ZDHHC14: variants seen among roughly 807,000 people sequenced by gnomAD.
ZDHHC14 encodes zDHHC palmitoyltransferase 14.
A neutral mutation model predicts 47.7 loss-of-function variants in ZDHHC14; 16 were observed. The ratio of observed to expected loss-of-function variants is 0.34; its 90% CI spans 0.23 to 0.51. The LOEUF is 0.51. Ranked by LOEUF, ZDHHC14 falls within the 20% of genes least tolerant of loss-of-function variation. ZDHHC14 has a pLI of 0.97. For synonymous variants in ZDHHC14, 293 were observed against 278.9 expected, an observed-to-expected ratio of 1.05 and a Z score of -0.50; for missense variants, 515 against 662.5, an observed-to-expected ratio of 0.78 and a Z score of 2.44.
Position 157,645,868 on chromosome 6 carries a change from C to T in ZDHHC14, c.855+29C>T, listed in dbSNP as rs771556281. The T allele has an allele frequency of 7.5e-6, 12 of 1,597,588 alleles. No individual in the cohort carries two copies. In the Admixed American group the frequency reaches 8.4e-5, roughly 11 times the overall value. On this transcript the variant is annotated intron_variant, in intron 6 of 8. Coordinates refer to ENST00000359775, the MANE Select transcript of ZDHHC14 (RefSeq NM_024630.3). The stretch of plus-strand genomic sequence containing the variant: ...AGTTCCTGACCACACGGGACACGGG[C>T]GTGTTCTTGGGTTTTGGGCAATGGA...
chr6:157,534,041 T>A (rs1255273966), intron 1 of ZDHHC14, among the ~76,000 whole-genome samples: 1 of 152,202 alleles, frequency 6.6e-6, no homozygotes, highest in Non-Finnish European at 1.5e-5. Context: ...TTAGATTGGA[T>A]GAAACAAGAA....
chr6:157,556,536 A>G (rs1782471194), intron 2 of ZDHHC14, among the ~76,000 whole-genome samples: 2 of 152,240 alleles, frequency 1.3e-5, no homozygotes, highest in African/African-American at 4.8e-5. Flanking sequence ...AGGCAGTGCC[A>G]GGGGATGGAG....
chr6:157,660,020 A>G (rs982918266), intron 8 of ZDHHC14, among the ~76,000 whole-genome samples: 1 of 152,100 alleles, frequency 6.6e-6, no homozygotes, highest in Non-Finnish European at 1.5e-5. Flanking sequence ...AGCGTTGCTA[A>G]TATTGATACT....
intron 1 of ZDHHC14, among the ~76,000 whole-genome samples, chr6:157,417,128 C>T (rs1350734601): frequency 6.6e-6 from 1 of 151,550 alleles, no homozygotes; most frequent in Non-Finnish European, 1.5e-5. Flanking sequence ...GCGCCTGGCT[C>T]ATTGTTAGCA....
At chr6:157,611,156 T>C (rs1433075326) in intron 3 of ZDHHC14, among the ~76,000 whole-genome samples, 6 of 152,110 alleles carry the variant, frequency 3.9e-5, no homozygotes, top group South Asian at 4.1e-4. Context: ...CGCGCCACCA[T>C]GCCCAGCTAA....
intron 4 of ZDHHC14, chr6:157,630,764 CACCCTTACACACCCACACACAT>C (rs1177919238): frequency 6.6e-6 from 1 of 150,770 alleles, no homozygotes; most frequent in Non-Finnish European, 1.5e-5. Context: ...CGCCCACACA[CACCCTTACACACCCACACACAT>C]ACCCTTACAC....
intron 2 of ZDHHC14, among the ~76,000 whole-genome samples, chr6:157,569,058 T>C (rs1048104404): frequency 6.6e-6 from 1 of 152,096 alleles, no homozygotes; most frequent in African/African-American, 2.4e-5. Flanking sequence ...TTTTTTGACA[T>C]ACAGGTCTTT....
intron 1 of ZDHHC14, among the ~76,000 whole-genome samples, chr6:157,457,318 T>C (rs754844071): frequency 1.6e-4 from 25 of 151,988 alleles, no homozygotes; most frequent in Non-Finnish European, 3.5e-4. Flanking sequence ...CCACAGCAAA[T>C]AGAAATGGAG....
intron 1 of ZDHHC14, among the ~76,000 whole-genome samples, chr6:157,424,985 T>G (rs1778188660): frequency 6.6e-6 from 1 of 152,198 alleles, no homozygotes; most frequent in Non-Finnish European, 1.5e-5. Context: ...GAGCTTTTCA[T>G]ATAAACTCCA....
intron 1 of ZDHHC14, among the ~76,000 whole-genome samples, chr6:157,465,544 A>G (rs192129852): frequency 6.6e-6 from 1 of 152,078 alleles, no homozygotes; most frequent in Non-Finnish European, 1.5e-5. Context: ...TTTCCTAGGG[A>G]GTCTGGATTG....
rs2114875439 is a variant in ZDHHC14 at position 157,582,519 on chromosome 6, G to T, written c.407-10469G>T. Among the ~76,000 whole-genome samples, 1 of 151,842 alleles carries T rather than the reference G, an allele frequency of 6.6e-6. No individual in the cohort carries two copies. Among genetic ancestry groups the T allele is most frequent in the East Asian group, 1.9e-4 (1 of 5,186 alleles). ...TAGTTTGGCCGGATATGAAATTCTT[G>T]GTTGGAAATTCTTTTCTTTAAGAAT... On this transcript the variant is annotated intron_variant, in intron 2 of 8. Transcript: ENST00000359775. This position sits in a 1 kb window ranked among gnomAD's most constrained non-coding sequence, Gnocchi z 4.3.
intron 5 of ZDHHC14, among the ~76,000 whole-genome samples, chr6:157,636,408 GAC>G (rs1776986837): frequency 6.6e-6 from 1 of 152,012 alleles, no homozygotes; most frequent in Admixed American, 6.5e-5. Flanking sequence ...GATGTAGACA[GAC>G]ATGTCCTCCC....
At chr6:157,654,004 G>A (rs977728373) in intron 8 of ZDHHC14, among the ~76,000 whole-genome samples, 1 of 152,108 alleles carries the variant, frequency 6.6e-6, no homozygotes, top group Non-Finnish European at 1.5e-5. Context: ...GTCCCCATCT[G>A]TACTGACCCC....
Position 157,596,871 on chromosome 6 carries a change from C to T in ZDHHC14, c.565+3725C>T, listed in dbSNP as rs556378986. Among the ~76,000 whole-genome samples, 3 of 152,310 alleles carry T rather than the reference C, an allele frequency of 2.0e-5. No homozygotes were observed. In the East Asian group the frequency reaches 5.8e-4, roughly 29 times the overall value. On this transcript the variant is annotated intron_variant, in intron 3 of 8. Transcript: ENST00000359775. ...AGTGATGGGAATGCCACCATCGGTG[C>T]TCCCAAGTAACTGATTACAACAAGA...
intron 2 of ZDHHC14, among the ~76,000 whole-genome samples, chr6:157,544,650 AAACAAC>A (rs539123195): frequency 1.1e-3 from 138 of 121,564 alleles, no homozygotes; most frequent in Non-Finnish European, 1.7e-3. Flanking sequence ...ACTCTGTGTC[AAACAAC>A]AACAACAACA....
rs546187983 is a variant in ZDHHC14, at chr6:157,603,664, G to A, written c.565+10518G>A. Among the ~76,000 whole-genome samples the A allele has an allele frequency of 1.5e-4, 23 of 152,232 alleles. No individual in the cohort carries two copies. The South Asian group carries it at 4.4e-3, about 29-fold the overall frequency. ...TTAACAAGCAGCATTTCTTTTTCTC[G>A]TGTGTCTGTGGGACATCTGGGGCAG... On this transcript the variant is annotated intron_variant, in intron 3 of 8. Transcript: ENST00000359775.
intron 2 of ZDHHC14, among the ~76,000 whole-genome samples, chr6:157,573,868 G>A (rs532507016): frequency 2.0e-5 from 3 of 152,082 alleles, no homozygotes; most frequent in African/African-American, 4.8e-5. Context: ...AGCATTCCCC[G>A]TGCCCATGGG....
chr6:157,445,044 G>A (rs1425882414), intron 1 of ZDHHC14, among the ~76,000 whole-genome samples: 1 of 151,462 alleles, frequency 6.6e-6, no homozygotes, highest in Non-Finnish European at 1.5e-5. Context: ...TCCAGGCTGG[G>A]GAAGGGACCA....
chr6:157,418,254 T>C (rs1020675367), intron 1 of ZDHHC14, among the ~76,000 whole-genome samples: 2 of 152,214 alleles, frequency 1.3e-5, no homozygotes, highest in African/African-American at 4.8e-5. Flanking sequence ...GAGGTCAGTT[T>C]TTACACTTGG....
Sources: gnomAD v4.1 joint callset for allele counts (sites outside exome capture counted in the v4.1 genomes callset) on GRCh38, gnomAD v4.1.1 for gene constraint, Gnocchi (gnomAD v3.1) non-coding constraint, MANE v1.5 for transcripts, NCBI Gene and HGNC (gene_info 2026-07-23, HGNC 2026-07-21) for gene names.